Variants in LRRFIP2 observed in about 807,000 individuals in gnomAD.
LRRFIP2 encodes leucine-rich repeat flightless-interacting protein 2.
In LRRFIP2, 109 loss-of-function variants were observed where a neutral mutation model predicts 125.9. The ratio of observed to expected loss-of-function variants is 0.87; its 90% CI spans 0.74 to 1.01. LRRFIP2 has a LOEUF of 1.01. Among genes scored for constraint, LRRFIP2 ranks in the 50% least tolerant of loss-of-function variants. The pLI is 0.00. For missense variants in LRRFIP2, 850 were observed against 862.3 expected (o/e 0.99, Z 0.18); for synonymous variants, 291 against 293.1 (o/e 0.99, Z 0.07).
chr3:37,134,703 G>T, intron 2 of LRRFIP2: 1 of 755,156 alleles, frequency 1.3e-6, no homozygotes, highest in South Asian at 1.3e-5. Context: ...TTTGGCCCAT[G>T]ACCCTCCAGC....
chr3:37,055,234 C>CCT, intron 25 of LRRFIP2, 69 bp from the exon 26 acceptor site: 1 of 910,402 alleles, frequency 1.1e-6, no homozygotes, highest in Non-Finnish European at 1.7e-6. Context: ...TCAGGCAGTA[C>CCT]CTCTGTGGCA....
intron 21 of LRRFIP2, chr3:37,067,818 A>G (rs879778558): frequency 6.6e-6 from 1 of 152,210 alleles, no homozygotes. Flanking sequence ...TTTTTCGCCC[A>G]AAGTCACAGT....
At chr3:37,089,083 C>T (rs1216387025) in intron 18 of LRRFIP2, among the ~76,000 whole-genome samples, 2 of 151,954 alleles carry the variant, frequency 1.3e-5, no homozygotes, top group Non-Finnish European at 2.9e-5. Flanking sequence ...TTTTTCAATA[C>T]ATCTTGGAAA....
intron 24 of LRRFIP2, among the ~76,000 whole-genome samples, chr3:37,062,755 A>C (rs6808735): frequency 0.35 from 53,407 of 152,064 alleles, 10,538 homozygotes; most frequent in Non-Finnish European, 0.45. Context: ...ATCAAGTGAG[A>C]GGGTAGAATG....
chr3:37,138,156 C>T (rs749872798), intron 2 of LRRFIP2, among the ~76,000 whole-genome samples: 26 of 152,182 alleles, frequency 1.7e-4, no homozygotes, highest in Admixed American at 6.5e-4. Context: ...CAAAGTAAAA[C>T]GTGATTAGCT....
chr3:37,155,240 A>G (rs1300627941), intron 1 of LRRFIP2, among the ~76,000 whole-genome samples: 1 of 152,232 alleles, frequency 6.6e-6, no homozygotes, highest in African/African-American at 2.4e-5. Flanking sequence ...AATAAACTAT[A>G]AAGCACTCCA....
rs550857965 is a variant in LRRFIP2 at position 37,079,237 on chromosome 3, C to T, written c.1279-4121G>A. On this transcript the variant is annotated intron_variant, in intron 19 of 27. Coordinates refer to ENST00000336686, the MANE Select transcript of LRRFIP2 (RefSeq NM_006309.4). ...GTCACCAGGGAGATGCACATCAAAA[C>T]CACACCTATTAGGATGGCTAGAATA... is the stretch of plus-strand genomic sequence containing the variant. 4.6e-5 allele frequency among the ~76,000 whole-genome samples: 7 copies of T among 152,104 alleles called. No homozygotes were observed. The South Asian group carries it at 1.5e-3, about 32-fold the overall frequency.
At chr3:37,157,880 C>T (rs2096243250) in intron 1 of LRRFIP2, among the ~76,000 whole-genome samples, 1 of 152,186 alleles carries the variant, frequency 6.6e-6, no homozygotes, top group Non-Finnish European at 1.5e-5. Context: ...ATAATTATTT[C>T]TCCTACTTTT....
chr3:37,120,267 C>T (rs1441681999), intron 6 of LRRFIP2, among the ~76,000 whole-genome samples: 4 of 151,798 alleles, frequency 2.6e-5, no homozygotes, highest in Non-Finnish European at 5.9e-5. Context: ...CCACCACACC[C>T]GGCTAATTTT....
In LRRFIP2 at chr3:37,153,337, G is replaced by A. The variant is rs930310244; in HGVS notation, c.-55-4299C>T. On this transcript the variant is annotated intron_variant, in intron 1 of 27. Transcript: ENST00000336686. ...CCCTGGGAGGTCAACGCTGCAGTGA[G>A]CCATGATCACTGCACTCCAGCCTGG... Among the ~76,000 whole-genome samples the A allele has an allele frequency of 3.3e-5, 5 of 152,068 alleles. No homozygotes were observed. In the East Asian group the frequency reaches 9.6e-4, roughly 29 times the overall value.
intron 2 of LRRFIP2, among the ~76,000 whole-genome samples, chr3:37,137,119 C>A (rs957045607): frequency 6.6e-6 from 1 of 151,962 alleles, no homozygotes; most frequent in Non-Finnish European, 1.5e-5. Flanking sequence ...TAGGCATACA[C>A]CACCACATCC....
chr3:37,151,641 A>C (rs1027281380), intron 1 of LRRFIP2, among the ~76,000 whole-genome samples: 1 of 146,570 alleles, frequency 6.8e-6, no homozygotes. Flanking sequence ...TCTGTCACTC[A>C]GGCTAGAGTG....
intron 2 of LRRFIP2, chr3:37,134,856 G>A: frequency 8.8e-7 from 1 of 1,139,492 alleles, no homozygotes; most frequent in Non-Finnish European, 1.3e-6. Context: ...ACCACCTAAG[G>A]TTGCATGTAC....
intron 21 of LRRFIP2, among the ~76,000 whole-genome samples, chr3:37,071,594 G>C (rs562977797): frequency 5.3e-5 from 8 of 152,282 alleles, no homozygotes; most frequent in Non-Finnish European, 7.3e-5. Flanking sequence ...GCTGACTACT[G>C]GTTGGGCTTC....
chr3:37,124,979 A>G (rs1457885218), intron 4 of LRRFIP2, among the ~76,000 whole-genome samples: 1 of 152,154 alleles, frequency 6.6e-6, no homozygotes, highest in African/African-American at 2.4e-5. Context: ...AAAATAATAC[A>G]TCGTCATTAT....
chr3:37,143,394 G>A (rs1320529662), intron 2 of LRRFIP2: 3 of 159,184 alleles, frequency 1.9e-5, no homozygotes, highest in African/African-American at 7.2e-5. Flanking sequence ...ATGAGAGGGA[G>A]AGTCAGGGGA....
intron 20 of LRRFIP2, among the ~76,000 whole-genome samples, chr3:37,073,955 C>T (rs1319547872): frequency 2.6e-5 from 4 of 152,102 alleles, no homozygotes; most frequent in Admixed American, 6.5e-5. Context: ...TGCTTCCTAC[C>T]TTATATGGAG....
At chr3:37,165,245 AC>A (rs1442141763) in intron 1 of LRRFIP2, among the ~76,000 whole-genome samples, 5 of 151,716 alleles carry the variant, frequency 3.3e-5, no homozygotes, top group Non-Finnish European at 5.9e-5. Flanking sequence ...AAAAAAAAAA[AC>A]AAAAAAACAA....
chr3:37,168,794 G>A (rs905266291), intron 1 of LRRFIP2, among the ~76,000 whole-genome samples: 1 of 152,018 alleles, frequency 6.6e-6, no homozygotes, highest in Non-Finnish European at 1.5e-5. Flanking sequence ...TAAGAGATGG[G>A]GCCTCACTAT....
Sources: allele counts gnomAD v4.1 joint callset (sites outside exome capture counted in the v4.1 genomes callset), GRCh38; gene constraint gnomAD v4.1.1; transcripts MANE v1.5; gene names NCBI Gene and HGNC (gene_info 2026-07-23, HGNC 2026-07-21).